The following KCNIP4 variants were observed in gnomAD, a reference collection of about 807,000 sequenced individuals.
The protein encoded by KCNIP4 is potassium voltage-gated channel interacting protein 4.
A neutral mutation model predicts 34.0 loss-of-function variants in KCNIP4; 12 were observed. That is an observed-to-expected ratio of 0.35 (90% CI 0.23 to 0.57). The LOEUF (loss-of-function observed/expected upper bound fraction) is 0.57. Ranked by LOEUF, KCNIP4 falls within the 20% of genes least tolerant of loss-of-function variation. The pLI, the probability that KCNIP4 is intolerant of heterozygous loss-of-function variation, is 0.83. For missense variants in KCNIP4, 238 were observed against 311.7 expected (o/e 0.76, Z 1.78); for synonymous variants, 124 against 102.2 (o/e 1.21, Z -1.29).
At chr4:20,892,002 T>C (rs1434749725) in intron 1 of KCNIP4, among the ~76,000 whole-genome samples, 3 of 152,176 alleles carry the variant, frequency 2.0e-5, no homozygotes, top group Non-Finnish European at 2.9e-5. Flanking sequence ...CTGGTAATAA[T>C]TCTTGCAGAA....
At chr4:21,040,157 T>C (rs969369899) in intron 1 of KCNIP4, among the ~76,000 whole-genome samples, 2 of 152,164 alleles carry the variant, frequency 1.3e-5, no homozygotes, top group African/African-American at 4.8e-5. Flanking sequence ...TCCCTGGACA[T>C]ATGGTACAAT....
At chr4:20,891,433 C>T (rs66949179) in intron 1 of KCNIP4, among the ~76,000 whole-genome samples, 17,266 of 151,946 alleles carry the variant, frequency 0.11, 1,095 homozygotes, top group South Asian at 0.21. Flanking sequence ...GGTGAAACTC[C>T]ATCTCTACTA....
chr4:21,111,715 G>C (rs1749185846), intron 1 of KCNIP4, among the ~76,000 whole-genome samples: 1 of 152,138 alleles, frequency 6.6e-6, no homozygotes, highest in African/African-American at 2.4e-5. Context: ...CTTGGAGTAG[G>C]GGTCAGGGGT....
chr4:21,350,376 C>A (rs1338316516), intron 1 of KCNIP4, among the ~76,000 whole-genome samples: 1 of 152,032 alleles, frequency 6.6e-6, no homozygotes, highest in Non-Finnish European at 1.5e-5. Context: ...GTAATTGAGA[C>A]CCCCACCAGT....
At chr4:20,897,368 C>G (rs904027718) in intron 1 of KCNIP4, among the ~76,000 whole-genome samples, 3 of 152,094 alleles carry the variant, frequency 2.0e-5, no homozygotes, top group African/African-American at 7.2e-5. Context: ...TCCTTCAGGT[C>G]TTTATTCCCT....
intron 1 of KCNIP4, among the ~76,000 whole-genome samples, chr4:21,637,687 G>A (rs562467437): frequency 1.0e-4 from 15 of 150,016 alleles, no homozygotes; most frequent in Non-Finnish European, 1.8e-4. Flanking sequence ...GGAGGCTGAA[G>A]CAGGAGAATC....
chr4:21,757,207 GAAA>G (rs1717671340), intron 1 of KCNIP4, among the ~76,000 whole-genome samples: 1 of 17,620 alleles, frequency 5.7e-5, no homozygotes, highest in Non-Finnish European at 1.2e-4. Flanking sequence ...AGGAAAGAAA[GAAA>G]GAAAGAAAGA....
intron 3 of KCNIP4, among the ~76,000 whole-genome samples, chr4:20,805,648 A>G (rs1384005007): frequency 8.5e-5 from 13 of 152,130 alleles, no homozygotes; most frequent in Non-Finnish European, 1.9e-4. Flanking sequence ...TTTCTTTCCC[A>G]ATAAATGCCA....
At chr4:21,058,378 G>A (rs1577612857) in intron 1 of KCNIP4, among the ~76,000 whole-genome samples, 1 of 152,138 alleles carries the variant, frequency 6.6e-6, no homozygotes, top group East Asian at 1.9e-4. Flanking sequence ...AAGAAAACCT[G>A]TGCAGGAATT....
rs1386413551 is a variant in KCNIP4 at position 20,736,633 on chromosome 4, A to T, written c.430-1898T>A. 3.9e-5 allele frequency among the ~76,000 whole-genome samples: 6 copies of T among 152,156 alleles called. No individual in the cohort carries two copies. In the East Asian group the frequency reaches 1.2e-3, roughly 29 times the overall value. ...TATAGAACAGTGTTACATAATGAAA[A>T]TGATAATAGATATTCTTAGTTTTTT... On this transcript the variant is annotated intron_variant, in intron 5 of 8. Coordinates refer to ENST00000382152, the MANE Select transcript of KCNIP4 (RefSeq NM_025221.6).
chr4:20,835,104 C>T (rs979305766), intron 3 of KCNIP4, among the ~76,000 whole-genome samples: 10 of 152,150 alleles, frequency 6.6e-5, no homozygotes, highest in African/African-American at 4.8e-5. Flanking sequence ...ATACAGTCAC[C>T]TCTCTGTCCT....
In KCNIP4 at chr4:21,371,541, TA is replaced by T. The variant is rs553789426; in HGVS notation, c.62-488833del. 4.7e-3 allele frequency among the ~76,000 whole-genome samples: 691 copies of T among 147,240 alleles called. 121 individuals carry two copies. Among genetic ancestry groups the T allele is most frequent in the African/African-American group, 0.018 (655 of 36,910 alleles). The stretch of plus-strand genomic sequence containing the variant: ...TTTCTTGCTATCTAATCACTTGATA[TA>T]ATAAAGATAATAATAGTAATTTCCT... On this transcript the variant is annotated intron_variant, in intron 1 of 8. Coordinates refer to ENST00000382152, the MANE Select transcript of KCNIP4 (RefSeq NM_025221.6).
rs1480522113 is a variant in KCNIP4 at position 21,387,698 on chromosome 4, G to GTTAAAATGTTAAAA, written c.62-504990_62-504989insTTTTAACATTTTAA. ...ACTATAAGGTTTTGTGGACAGTGGA[G>GTTAAAATGTTAAAA]TTTCAGTGTTAAAATGGCAGGGTTC... On this transcript the variant is annotated intron_variant, in intron 1 of 8. Coordinates refer to ENST00000382152, the MANE Select transcript of KCNIP4 (RefSeq NM_025221.6). Among the ~76,000 whole-genome samples the GTTAAAATGTTAAAA allele has an allele frequency of 7.2e-5, 11 of 152,254 alleles. No homozygotes were observed. In the East Asian group the frequency reaches 1.7e-3, roughly 24 times the overall value.
At chr4:21,037,251 A>G (rs114391893) in intron 1 of KCNIP4, among the ~76,000 whole-genome samples, 179 of 152,334 alleles carry the variant, frequency 1.2e-3, no homozygotes, top group African/African-American at 3.8e-3. Context: ...CAGTGTGTAT[A>G]AAGTCTACAG....
chr4:21,210,536 A>G (rs1454799580), intron 1 of KCNIP4, among the ~76,000 whole-genome samples: 3 of 152,250 alleles, frequency 2.0e-5, no homozygotes, highest in Non-Finnish European at 4.4e-5. Context: ...ATTATTTAAA[A>G]AATCTTATAG....
At chr4:21,169,134 T>C (rs1052529391) in intron 1 of KCNIP4, among the ~76,000 whole-genome samples, 39 of 152,306 alleles carry the variant, frequency 2.6e-4, no homozygotes, top group African/African-American at 9.1e-4. Flanking sequence ...GTTATGGCTC[T>C]CTAATCAGGA....
chr4:20,870,970 C>G (rs1351313286), intron 2 of KCNIP4, among the ~76,000 whole-genome samples: 1 of 152,120 alleles, frequency 6.6e-6, no homozygotes, highest in Non-Finnish European at 1.5e-5. Context: ...ACCCTGTGCA[C>G]TTGTCACCTC....
intron 1 of KCNIP4, among the ~76,000 whole-genome samples, chr4:21,627,638 C>T (rs1022562629): frequency 3.3e-5 from 5 of 152,054 alleles, no homozygotes; most frequent in Non-Finnish European, 5.9e-5. Context: ...AGATGATTCT[C>T]AAGAAATTTT....
At chr4:21,822,319 G>C (rs1022125862) in intron 1 of KCNIP4, among the ~76,000 whole-genome samples, 9 of 152,170 alleles carry the variant, frequency 5.9e-5, no homozygotes, top group African/African-American at 2.2e-4. Context: ...CTGTTCTCCA[G>C]AAGTCTTCTT....
Sources: gnomAD v4.1 joint callset for allele counts (sites outside exome capture counted in the v4.1 genomes callset) on GRCh38, gnomAD v4.1.1 for gene constraint, MANE v1.5 for transcripts, NCBI Gene and HGNC (gene_info 2026-07-23, HGNC 2026-07-21) for gene names.